Variants in GRHL2 observed in about 807,000 individuals in gnomAD.
GRHL2 encodes the protein grainyhead like transcription factor 2.
In GRHL2, 21 loss-of-function variants were observed where a neutral mutation model predicts 83.8. The ratio of observed to expected loss-of-function variants is 0.25; its 90% CI spans 0.18 to 0.36. The LOEUF (loss-of-function observed/expected upper bound fraction) is 0.36. Among genes scored for constraint, GRHL2 ranks in the 10% least tolerant of loss-of-function variants. The pLI, the probability that GRHL2 is intolerant of heterozygous loss-of-function variation, is 1.00. For synonymous variants in GRHL2, 280 were observed against 278.9 expected (o/e 1.00, Z -0.04); for missense variants, 623 against 781.8 (o/e 0.80, Z 2.42).
At chr8:101,528,777 C>T in intron 1 of GRHL2, 1 of 312,522 alleles carries the variant, frequency 3.2e-6, no homozygotes, top group Non-Finnish European at 6.2e-6. Context: ...TCCTCCTTTT[C>T]AGTTTCTCAT....
intron 4 of GRHL2, among the ~76,000 whole-genome samples, chr8:101,569,964 A>G (rs969333925): frequency 6.6e-6 from 1 of 152,218 alleles, no homozygotes; most frequent in Non-Finnish European, 1.5e-5. Context: ...GCTGCGCTAT[A>G]TGACCTCTGT....
intron 4 of GRHL2, among the ~76,000 whole-genome samples, chr8:101,563,300 A>G (rs535559708): frequency 1.3e-5 from 2 of 152,266 alleles, no homozygotes; most frequent in East Asian, 3.9e-4. Context: ...ATTGCTTAAG[A>G]CAGTGATTCA....
the GRHL2 span, among the ~76,000 whole-genome samples, chr8:101,678,258 T>A: frequency 3.3e-5 from 5 of 152,200 alleles, no homozygotes; most frequent in Non-Finnish European, 5.9e-5. Context: ...GGGCGAGGCA[T>A]TGCCTCACTT....
At chr8:101,536,367 A>C (rs186145532) in intron 1 of GRHL2, among the ~76,000 whole-genome samples, 1 of 152,364 alleles carries the variant, frequency 6.6e-6, no homozygotes, top group East Asian at 1.9e-4. Context: ...TGGAGCTGTA[A>C]TAATAAATAC....
At chr8:101,562,955 T>C (rs529402917) in intron 4 of GRHL2, among the ~76,000 whole-genome samples, 15 of 152,298 alleles carry the variant, frequency 9.8e-5, no homozygotes, top group East Asian at 3.9e-4. Context: ...TTAATTTCCA[T>C]TGGGAAAAAT....
chr8:101,523,196 G>A (rs1426075617), intron 1 of GRHL2, among the ~76,000 whole-genome samples: 1 of 151,266 alleles, frequency 6.6e-6, no homozygotes, highest in Admixed American at 6.6e-5. Flanking sequence ...ACAGACTTAA[G>A]CCACTGCGCC....
intron 7 of GRHL2, 24 bp from the exon 8 acceptor site, chr8:101,599,033 C>T (rs767262775): frequency 1.3e-6 from 2 of 1,526,564 alleles, no homozygotes; most frequent in Admixed American, 3.3e-5. Context: ...CCTTTAAAAG[C>T]TTGTTCTTTT....
At chr8:101,664,620 C>T in intron 15 of GRHL2, 102 bp downstream of exon 15, 1 of 833,672 alleles carries the variant, frequency 1.2e-6, no homozygotes, top group Non-Finnish European at 2.0e-6. Flanking sequence ...CTGTTGCCCA[C>T]TTTTCATAAA....
intron 14 of GRHL2, among the ~76,000 whole-genome samples, chr8:101,660,311 C>T (rs1389248701): frequency 1.3e-5 from 2 of 152,238 alleles, no homozygotes; most frequent in South Asian, 4.2e-4. Flanking sequence ...TATATCATAT[C>T]CATTCTTAAC....
At chr8:101,508,388 G>GTT (rs4002328) in intron 1 of GRHL2, among the ~76,000 whole-genome samples, 98,339 of 139,454 alleles carry the variant, frequency 0.71, 35,439 homozygotes, top group Non-Finnish European at 0.78. Context: ...ATTTACTCAG[G>GTT]TTTTTTTTTT....
chr8:101,552,506 C>T (rs1811405060), intron 2 of GRHL2, among the ~76,000 whole-genome samples: 1 of 152,166 alleles, frequency 6.6e-6, no homozygotes. Context: ...CTGTTGTGGC[C>T]ATATGTTTAT....
chr8:101,608,747 A>T (rs370323017), intron 8 of GRHL2, among the ~76,000 whole-genome samples: 53,854 of 139,732 alleles, frequency 0.39, 10,721 homozygotes, highest in South Asian at 0.49. Flanking sequence ...ACACACACAC[A>T]CACACACACA....
chr8:101,518,208 A>G (rs183348791), intron 1 of GRHL2, among the ~76,000 whole-genome samples: 1 of 152,322 alleles, frequency 6.6e-6, no homozygotes, highest in East Asian at 1.9e-4. Flanking sequence ...GAAAATCATT[A>G]ATCCAGCCTG....
At chr8:101,596,926 C>T (rs1296654016) in intron 7 of GRHL2, among the ~76,000 whole-genome samples, 1 of 152,100 alleles carries the variant, frequency 6.6e-6, no homozygotes, top group Non-Finnish European at 1.5e-5. Context: ...AGGGGGAAAC[C>T]ATAGAAACAC....
At chr8:101,569,135 G>A (rs540475951) in intron 4 of GRHL2, among the ~76,000 whole-genome samples, 18 of 152,304 alleles carry the variant, frequency 1.2e-4, no homozygotes, top group African/African-American at 2.9e-4. Flanking sequence ...AACAAGATAC[G>A]TGGTCAATGA....
intron 1 of GRHL2, among the ~76,000 whole-genome samples, chr8:101,514,591 G>A (rs1810531365): frequency 6.6e-6 from 1 of 152,156 alleles, no homozygotes; most frequent in Non-Finnish European, 1.5e-5. Context: ...CTCTGGCTGG[G>A]AGCAGCCCGT....
At position 101,570,320 on chromosome 8, in the gene GRHL2, G is replaced by A. The variant is rs374161732; in HGVS notation, c.679-19G>A. Reference sequence around the variant, plus strand: ...TGACTTACCTATTTGTTTTAATTCCGATGACTCATATTTTGCAGAAATTTC... The same window carrying A: ...TGACTTACCTATTTGTTTTAATTCCAATGACTCATATTTTGCAGAAATTTC... On this transcript the variant is annotated intron_variant, in intron 4 of 15. Coordinates refer to ENST00000646743, the MANE Select transcript of GRHL2 (RefSeq NM_024915.4). 11 of 1,604,516 alleles carry A rather than the reference G, an allele frequency of 6.9e-6. No individual in the cohort carries two copies. The highest frequency in any genetic ancestry group is 2.2e-5 in the South Asian group (2 of 90,864).
intron 11 of GRHL2, among the ~76,000 whole-genome samples, 186 bp downstream of exon 11, chr8:101,632,551 T>C (rs1373803768): frequency 6.6e-6 from 1 of 152,226 alleles, no homozygotes; most frequent in Non-Finnish European, 1.5e-5. Flanking sequence ...GAGAGGAAAC[T>C]AAGTCGAAGA....
At chr8:101,663,905 G>T (rs1039176357) in intron 14 of GRHL2, among the ~76,000 whole-genome samples, 23 of 144,864 alleles carry the variant, frequency 1.6e-4, no homozygotes, top group Admixed American at 8.9e-4. Flanking sequence ...TAGCATTTTA[G>T]TTTTTTTTTT....
Sources: gnomAD v4.1 joint callset for allele counts (sites outside exome capture counted in the v4.1 genomes callset) on GRCh38, gnomAD v4.1.1 for gene constraint, MANE v1.5 for transcripts, NCBI Gene and HGNC (gene_info 2026-07-23, HGNC 2026-07-21) for gene names.